FAM163A: variants seen among roughly 807,000 people sequenced by gnomAD.
FAM163A encodes the protein family with sequence similarity 163 member A.
In FAM163A, 7 loss-of-function variants were observed where a neutral mutation model predicts 12.0. That is an observed-to-expected ratio of 0.58 (90% confidence interval 0.33 to 1.10). FAM163A has a LOEUF of 1.10. Among genes scored for constraint, FAM163A ranks in the 50% least tolerant of loss-of-function variants. The probability of loss-of-function intolerance (pLI) is 0.03; values close to 1 mark genes in which losing one functional copy is unlikely to be tolerated. For missense variants in FAM163A, 202 were observed against 218.6 expected, an observed-to-expected ratio of 0.92 and a Z score of 0.48; for synonymous variants, 101 against 91.0, an observed-to-expected ratio of 1.11 and a Z score of -0.62.
intron 1 of FAM163A, among the ~76,000 whole-genome samples, chr1:179,772,602 T>C (rs1688429118): frequency 6.6e-6 from 1 of 152,190 alleles, no homozygotes; most frequent in Non-Finnish European, 1.5e-5. Flanking sequence ...CCCTGAAGCA[T>C]TGCTCTGAGC....
chr1:179,812,372 C>A (rs900201089), intron 3 of FAM163A, among the ~76,000 whole-genome samples: 1 of 152,226 alleles, frequency 6.6e-6, no homozygotes, highest in African/African-American at 2.4e-5. Context: ...GCCCAGAATG[C>A]CACACACCAC....
At chr1:179,743,693 C>T (rs1163545343) in intron 1 of FAM163A, among the ~76,000 whole-genome samples, 1 of 152,134 alleles carries the variant, frequency 6.6e-6, no homozygotes, top group Non-Finnish European at 1.5e-5. Flanking sequence ...CCGAGGGGCG[C>T]GGCGACTCGG....
chr1:179,810,706 G>T (rs991743027), intron 2 of FAM163A, among the ~76,000 whole-genome samples: 1 of 152,118 alleles, frequency 6.6e-6, no homozygotes, highest in African/African-American at 2.4e-5. Flanking sequence ...GTATCCTAAG[G>T]TTTGCCCCGT....
intron 1 of FAM163A, among the ~76,000 whole-genome samples, chr1:179,793,036 CAT>C (rs1691748459): frequency 6.6e-6 from 1 of 151,784 alleles, no homozygotes; most frequent in Non-Finnish European, 1.5e-5. Flanking sequence ...GGCATGGAAT[CAT>C]GTAGTTTTGT....
At chr1:179,794,096 C>T (rs1042743938) in intron 1 of FAM163A, among the ~76,000 whole-genome samples, 4 of 152,194 alleles carry the variant, frequency 2.6e-5, no homozygotes, top group Non-Finnish European at 5.9e-5. Flanking sequence ...CACAGGGCAG[C>T]GGCTGCCCTT....
chr1:179,813,522 C>T (rs1694981705), intron 4 of FAM163A, among the ~76,000 whole-genome samples: 1 of 152,126 alleles, frequency 6.6e-6, no homozygotes, highest in South Asian at 2.1e-4. Context: ...CAGCCCTGTC[C>T]TCAATATGAT....
intron 1 of FAM163A, among the ~76,000 whole-genome samples, chr1:179,798,576 A>T (rs1290117852): frequency 1.3e-5 from 2 of 152,190 alleles, no homozygotes; most frequent in Non-Finnish European, 2.9e-5. Flanking sequence ...TATTTGTCTG[A>T]TGTGATTGAG....
chr1:179,755,702 C>A (rs371212214), intron 1 of FAM163A, among the ~76,000 whole-genome samples: 34 of 152,142 alleles, frequency 2.2e-4, no homozygotes, highest in African/African-American at 8.0e-4. Flanking sequence ...GGGAAGCAAC[C>A]ACCACAAAAC....
intron 1 of FAM163A, among the ~76,000 whole-genome samples, chr1:179,784,936 C>A (rs889350498): frequency 6.6e-6 from 1 of 152,124 alleles, no homozygotes; most frequent in Non-Finnish European, 1.5e-5. Context: ...CCTGGCTACC[C>A]GGCAGGTAGT....
intron 1 of FAM163A, among the ~76,000 whole-genome samples, chr1:179,792,326 T>TGGA (rs1557952909): frequency 7.0e-6 from 1 of 143,802 alleles, no homozygotes; most frequent in Non-Finnish European, 1.5e-5. Context: ...TGTGTGTGTG[T>TGGA]GGAGATTGGG....
intron 1 of FAM163A, among the ~76,000 whole-genome samples, chr1:179,772,754 C>T (rs892571509): frequency 3.9e-5 from 6 of 151,976 alleles, no homozygotes; most frequent in Admixed American, 3.3e-4. Flanking sequence ...GCTGATCTAA[C>T]AGCTCCATGG....
At chr1:179,761,931 G>A (rs923252922) in intron 1 of FAM163A, among the ~76,000 whole-genome samples, 4 of 152,162 alleles carry the variant, frequency 2.6e-5, no homozygotes, top group Middle Eastern at 3.4e-3. Flanking sequence ...CTGTTGAAAC[G>A]GAGACTCAGA....
At chr1:179,770,653 C>T (rs1452579790) in intron 1 of FAM163A, among the ~76,000 whole-genome samples, 1 of 152,064 alleles carries the variant, frequency 6.6e-6, no homozygotes, top group Non-Finnish European at 1.5e-5. Context: ...GAACATGCTG[C>T]CCCCTCTGCC....
At chr1:179,729,847 A>G in the FAM163A span, among the ~76,000 whole-genome samples, 1 of 152,190 alleles carries the variant, frequency 6.6e-6, no homozygotes, top group African/African-American at 2.4e-5. Context: ...GAAAAGATTT[A>G]TCTTTATGGT....
intron 1 of FAM163A, among the ~76,000 whole-genome samples, chr1:179,803,317 C>T (rs527980936): frequency 2.6e-5 from 4 of 152,254 alleles, no homozygotes; most frequent in African/African-American, 7.2e-5. Context: ...AGGGGGCAGT[C>T]GATGGTTAAT....
intron 1 of FAM163A, among the ~76,000 whole-genome samples, chr1:179,746,423 AAG>A (rs1684467785): frequency 6.6e-6 from 1 of 152,238 alleles, no homozygotes; most frequent in Admixed American, 6.5e-5. Context: ...TCATGGAAAA[AAG>A]AATTAGTAAG....
chr1:179,770,510 G>A (rs1455461300), intron 1 of FAM163A, among the ~76,000 whole-genome samples: 1 of 152,030 alleles, frequency 6.6e-6, no homozygotes, highest in East Asian at 1.9e-4. Flanking sequence ...CAGAGTCTTG[G>A]GGGCACCTGG....
chr1:179,755,464 A>G (rs1313092425), intron 1 of FAM163A, among the ~76,000 whole-genome samples: 1 of 152,126 alleles, frequency 6.6e-6, no homozygotes, highest in African/African-American at 2.4e-5. Context: ...GCATGTTGAA[A>G]CTTTCCAGGA....
chr1:179,755,346 G>A (rs889071401), intron 1 of FAM163A, among the ~76,000 whole-genome samples: 1 of 152,152 alleles, frequency 6.6e-6, no homozygotes, highest in Non-Finnish European at 1.5e-5. Flanking sequence ...AGTGATAAGG[G>A]TCCAAGGTGG....
Sources: allele counts gnomAD v4.1 joint callset (sites outside exome capture counted in the v4.1 genomes callset), GRCh38; gene constraint gnomAD v4.1.1; transcripts MANE v1.5; gene names NCBI Gene and HGNC (gene_info 2026-07-23, HGNC 2026-07-21).